The following VAV3 variants were observed in gnomAD, a reference collection of about 807,000 sequenced individuals.
The protein encoded by VAV3 is vav guanine nucleotide exchange factor 3.
Under a neutral mutation model 131.2 loss-of-function variants are expected in VAV3, and 94 were observed. The ratio of observed to expected loss-of-function variants is 0.72; its 90% CI spans 0.61 to 0.85. The LOEUF (loss-of-function observed/expected upper bound fraction) is 0.85, where lower values mean the gene tolerates loss of function less well. VAV3 is among the 40% of genes least tolerant of loss of function. VAV3 has a pLI of 0.00. For synonymous variants in VAV3, 349 were observed against 342.0 expected (o/e 1.02, Z -0.22); for missense variants, 939 against 1,002.7 (o/e 0.94, Z 0.86).
chr1:107,683,063 T>C (rs1379589899), intron 19 of VAV3, among the ~76,000 whole-genome samples: 2 of 152,182 alleles, frequency 1.3e-5, no homozygotes, highest in Admixed American at 6.5e-5. Context: ...AGCATGGATA[T>C]AGAATTAAGA....
chr1:107,777,555 A>G (rs1180467028), intron 3 of VAV3: 1 of 520,966 alleles, frequency 1.9e-6, no homozygotes, highest in Admixed American at 3.3e-5. Flanking sequence ...CCACAGTCAC[A>G]TGTGCAGGGG....
chr1:107,807,417 T>C (rs923859142), intron 2 of VAV3, among the ~76,000 whole-genome samples: 1 of 152,216 alleles, frequency 6.6e-6, no homozygotes, highest in Non-Finnish European at 1.5e-5. Context: ...TGCTCTTATA[T>C]TGGAAACAGG....
chr1:107,954,180 T>C (rs182061627), intron 1 of VAV3, among the ~76,000 whole-genome samples: 1 of 152,174 alleles, frequency 6.6e-6, no homozygotes. Flanking sequence ...TAGCTAACAA[T>C]AGGTTGTCTG....
At chr1:107,623,802 T>A (rs1357444173) in intron 20 of VAV3, among the ~76,000 whole-genome samples, 1 of 152,182 alleles carries the variant, frequency 6.6e-6, no homozygotes, top group East Asian at 1.9e-4. Flanking sequence ...ATCCTTAACT[T>A]TTGTCCAATG....
At chr1:107,796,408 C>A (rs889751530) in intron 2 of VAV3, among the ~76,000 whole-genome samples, 2 of 151,940 alleles carry the variant, frequency 1.3e-5, no homozygotes, top group African/African-American at 4.8e-5. Context: ...GGGATCAGTT[C>A]TCTTAGAAAA....
intron 2 of VAV3, among the ~76,000 whole-genome samples, chr1:107,839,022 C>T (rs1668585947): frequency 6.6e-6 from 1 of 152,036 alleles, no homozygotes; most frequent in Non-Finnish European, 1.5e-5. Context: ...GTGACAGATT[C>T]CTTTGTACTC....
chr1:107,860,275 C>T (rs1454217127), intron 2 of VAV3, among the ~76,000 whole-genome samples: 1 of 152,076 alleles, frequency 6.6e-6, no homozygotes, highest in African/African-American at 2.4e-5. Context: ...TGCATGGCAC[C>T]ACACCTGGCT....
chr1:107,917,214 C>CA (rs1672667264), intron 1 of VAV3, among the ~76,000 whole-genome samples: 2 of 152,092 alleles, frequency 1.3e-5, no homozygotes, highest in African/African-American at 2.4e-5. Flanking sequence ...TGTACTCAAG[C>CA]ATCAGCAGCG....
chr1:107,797,571 A>C (rs1010345980), intron 2 of VAV3, among the ~76,000 whole-genome samples: 5 of 152,244 alleles, frequency 3.3e-5, no homozygotes, highest in African/African-American at 7.2e-5. Flanking sequence ...GAGGTTCTCC[A>C]GTGAGTTATG....
chr1:107,848,645 T>C (rs1431064661), intron 2 of VAV3, among the ~76,000 whole-genome samples: 1 of 152,072 alleles, frequency 6.6e-6, no homozygotes, highest in African/African-American at 2.4e-5. Context: ...CTGGAAGCAT[T>C]CCCTTTGAAA....
chr1:107,915,812 A>T lies in VAV3; in HGVS notation c.205-40795T>A, dbSNP rs570835948. Reference sequence around the variant, plus strand: ...AATGCATCTTTAGTGAGCACTCATTATATGTGCTGTGGACTTACTAGGTCC... The same window carrying T: ...AATGCATCTTTAGTGAGCACTCATTTTATGTGCTGTGGACTTACTAGGTCC... On this transcript the variant is annotated intron_variant, in intron 1 of 26. Transcript: ENST00000370056. Among the ~76,000 whole-genome samples, 119 of 152,316 alleles carry T rather than the reference A, an allele frequency of 7.8e-4. 1 individual carries two copies. Among genetic ancestry groups the T allele is most frequent in the African/African-American group, 2.8e-3 (118 of 41,568 alleles).
Position 107,572,573 on chromosome 1 carries a change from A to G in VAV3, c.*758T>C, listed in dbSNP as rs936110112. On this transcript the variant is annotated 3_prime_UTR_variant, in exon 27 of 27. Coordinates refer to ENST00000370056, the MANE Select transcript of VAV3 (RefSeq NM_006113.5). ...CATAAAGTCAAGTGCTATATTTCCA[A>G]AATAATCCTATGAAATCATGAAGGT... The G allele has an allele frequency of 1.3e-5, 2 of 152,654 alleles. No homozygotes were observed. The highest frequency in any genetic ancestry group is 2.4e-5 in the African/African-American group (1 of 41,462). The allele number at this position is 152,654 out of a possible 1,614,324, so 9.5% of individuals were successfully genotyped here.
At chr1:107,700,509 G>A (rs993147322) in intron 17 of VAV3, among the ~76,000 whole-genome samples, 3 of 152,072 alleles carry the variant, frequency 2.0e-5, no homozygotes, top group African/African-American at 7.2e-5. Context: ...GTGTCCATGT[G>A]TTCTCATTGT....
rs557814171 is a variant in VAV3, at chr1:107,693,984, G to C, written c.1706-5578C>G. Among the ~76,000 whole-genome samples the C allele has an allele frequency of 3.3e-5, 5 of 152,238 alleles. No homozygotes were observed. In the East Asian group the frequency reaches 5.8e-4, roughly 18 times the overall value. The stretch of plus-strand genomic sequence containing the variant: ...AGCAACCCTAGAACCCATGTGTCAA[G>C]CTGGCAAAGTCACAAGATCAAACTG... On this transcript the variant is annotated intron_variant, in intron 17 of 26. Transcript: ENST00000370056.
chr1:107,656,589 A>G (rs1446021800), intron 19 of VAV3, among the ~76,000 whole-genome samples: 1 of 152,206 alleles, frequency 6.6e-6, no homozygotes, highest in Non-Finnish European at 1.5e-5. Flanking sequence ...ATTTCAAAAT[A>G]GCCAGGAAAG....
At chr1:107,731,391 T>C (rs1662229716) in intron 15 of VAV3, among the ~76,000 whole-genome samples, 1 of 152,188 alleles carries the variant, frequency 6.6e-6, no homozygotes, top group African/African-American at 2.4e-5. Context: ...AATGAAAGAA[T>C]CTTCCTAAAT....
At chr1:107,798,462 T>C (rs1185061438) in intron 2 of VAV3, among the ~76,000 whole-genome samples, 1 of 151,882 alleles carries the variant, frequency 6.6e-6, no homozygotes, top group African/African-American at 2.4e-5. Flanking sequence ...CTCATGCCTG[T>C]AATCCTAGCA....
chr1:107,607,470 G>C (rs1652373259), intron 22 of VAV3, among the ~76,000 whole-genome samples: 2 of 152,114 alleles, frequency 1.3e-5, no homozygotes, highest in Non-Finnish European at 2.9e-5. Context: ...TCAGTATACA[G>C]AGCCCTCTGT....
intron 1 of VAV3, among the ~76,000 whole-genome samples, chr1:107,922,928 G>A (rs1571145936): frequency 6.7e-6 from 1 of 150,142 alleles, no homozygotes; most frequent in Admixed American, 6.6e-5. Context: ...CTCCAGCCTG[G>A]GCGACAGAGC....
Sources: allele counts gnomAD v4.1 joint callset (sites outside exome capture counted in the v4.1 genomes callset), GRCh38; gene constraint gnomAD v4.1.1; transcripts MANE v1.5; gene names NCBI Gene and HGNC (gene_info 2026-07-23, HGNC 2026-07-21).